Variants in PIK3R2 observed in about 807,000 individuals in gnomAD.
The protein encoded by PIK3R2 is phosphatidylinositol 3-kinase regulatory subunit beta.
In PIK3R2, 40 loss-of-function variants were observed where a neutral mutation model predicts 78.5. The observed-to-expected ratio is 0.51, with a 90% CI of 0.40 to 0.66. PIK3R2 has a LOEUF of 0.66. PIK3R2 is among the 30% of genes least tolerant of loss of function. The pLI is 0.00. For missense variants in PIK3R2, 880 were observed against 1,026.6 expected (o/e 0.86, Z 1.95); for synonymous variants, 473 against 457.7 (o/e 1.03, Z -0.43).
In PIK3R2 at chr19:18,169,023, T is replaced by A. The variant is rs2147960262; in HGVS notation, c.1980-64T>A. The A allele has an allele frequency of 1.9e-6, 3 of 1,575,454 alleles. No homozygotes were observed. The South Asian group carries it at 3.4e-5, about 18-fold the overall frequency. ...TCCGGGACAGGGGAGCACGCGGCCC[T>A]GGAACGGGGAAAGCTTGGCGGGGAG... On this transcript the variant is annotated intron_variant, in intron 15 of 15. Transcript: ENST00000222254.
chr19:18,164,699 G>A (rs1234843984), intron 11 of PIK3R2, among the ~76,000 whole-genome samples: 1 of 145,800 alleles, frequency 6.9e-6, no homozygotes, highest in African/African-American at 2.5e-5. Context: ...GCTGTGGCAT[G>A]ATCTCAGCTC....
rs867606041 is a variant in PIK3R2 at position 18,169,365 on chromosome 19, C to T, written c.*71C>T. ...CGCCGGAGGCTGCGGCGGCGGGAGC[C>T]ACGGACCAGACCAGCCACATCCAGG... On this transcript the variant is annotated 3_prime_UTR_variant, in exon 16 of 16. Coordinates refer to ENST00000222254, the MANE Select transcript of PIK3R2 (RefSeq NM_005027.4). The T allele has an allele frequency of 1.1e-6, 1 of 913,020 alleles. No individual in the cohort carries two copies. The highest frequency in any genetic ancestry group is 1.8e-5 in the African/African-American group (1 of 56,568). The allele number at this position is 913,020 out of a possible 1,614,324, so 56.6% of individuals were successfully genotyped here. A position where few individuals can be genotyped will look rare whatever the true frequency, so the allele number is the denominator to read the frequency against.
intron 11 of PIK3R2, among the ~76,000 whole-genome samples, chr19:18,165,841 G>A (rs1464515180): frequency 6.6e-6 from 1 of 152,180 alleles, no homozygotes. Context: ...GACAAAGTAA[G>A]GAAAGTCGTA....
chr19:18,160,482 C>T lies in PIK3R2; in HGVS notation c.334C>T (p.Pro112Ser), dbSNP rs1424061481. The change falls in exon 3 of 16, where the codon CCC becomes TCC. Residue 112 changes from proline to serine, a missense_variant. Coordinates refer to ENST00000222254, the MANE Select transcript of PIK3R2 (RefSeq NM_005027.4). ...GTTTCCCCCACCAGGCCTCACACTC[C>T]CCGACTTGCCCGAGCAGTTCTCCCC... ...DGAPEPGLTL[P>S]DLPEQFSPPD... 6.2e-7 allele frequency: 1 copy of T among 1,612,858 alleles called. No individual in the cohort carries two copies. Among genetic ancestry groups the T allele is most frequent in the African/African-American group, 1.3e-5 (1 of 75,024 alleles).
chr19:18,169,110 G>C lies in PIK3R2; in HGVS notation c.2003G>C (p.Cys668Ser), dbSNP rs2147960449. ...AGAGTGGACGGCGACACCAAGCACTGCGTCATCTACCGCACGGCCACCGGC... is the reference window on the plus strand; with the variant it reads ...AGAGTGGACGGCGACACCAAGCACTCCGTCATCTACCGCACGGCCACCGGC... ...SVVVDGDTKH[C>S]VIYRTATGFG... Residue 668 changes from cysteine to serine, a missense_variant, in exon 16 of 16, where the codon TGC becomes TCC. Cys to Ser is a moderately radical substitution (Grantham distance 112). This residue lies in a region of PIK3R2 where 268 missense variants were observed against 299.1 expected (regional missense o/e 0.90). Transcript: ENST00000222254. 1.2e-6 allele frequency: 2 copies of C among 1,611,664 alleles called. No individual in the cohort carries two copies. Among genetic ancestry groups the C allele is most frequent in the Non-Finnish European group, 1.7e-6 (2 of 1,179,762 alleles).
In PIK3R2 at chr19:18,162,058, C is replaced by T. The variant is rs779813115; in HGVS notation, c.901+7C>T. The T allele has an allele frequency of 1.9e-6, 3 of 1,611,682 alleles. No homozygotes were observed. The highest frequency in any genetic ancestry group is 8.5e-7 in the Non-Finnish European group (1 of 1,178,048). The stretch of plus-strand genomic sequence containing the variant: ...CAGGAGGTTGCGCCCCCAGGTGAGT[C>T]CCCTGTATTGCTGTCATTTCTTCCC... On this transcript the variant is annotated splice_region_variant and intron_variant, in intron 7 of 15. Transcript: ENST00000222254.
In PIK3R2 at chr19:18,169,876, G is replaced by A. The variant is rs941281543; in HGVS notation, c.*582G>A. ...CCCGCCACCGGGTTACCCCCACAAG[G>A]GGGCCGCTGCGAGAAGTTCACCCAC... is the stretch of plus-strand genomic sequence containing the variant. On this transcript the variant is annotated 3_prime_UTR_variant, in exon 16 of 16. Transcript: ENST00000222254. 1 of 200,918 alleles carries A rather than the reference G, an allele frequency of 5.0e-6. No individual in the cohort carries two copies. Among genetic ancestry groups the A allele is most frequent in the Non-Finnish European group, 1.0e-5 (1 of 97,214 alleles). 12.4% of individuals were successfully genotyped at this position (200,918 alleles called of 1,614,324 possible). A position where few individuals can be genotyped will look rare whatever the true frequency, so the allele number is the denominator to read the frequency against.
rs568370467 is a variant in PIK3R2 at position 18,155,874 on chromosome 19, G to A, written c.-6G>A. On this transcript the variant is annotated 5_prime_UTR_variant, in exon 2 of 16. Coordinates refer to ENST00000222254, the MANE Select transcript of PIK3R2 (RefSeq NM_005027.4). ...ACCATCCAGACCCCACCCCACTCACGCGGCCATGGCGGGCCCTGAGGGCTT... is the reference window on the plus strand; with the variant it reads ...ACCATCCAGACCCCACCCCACTCACACGGCCATGGCGGGCCCTGAGGGCTT... 1.4e-5 allele frequency: 22 copies of A among 1,537,356 alleles called. No individual in the cohort carries two copies. Among genetic ancestry groups the A allele is most frequent in the African/African-American group, 1.1e-4 (8 of 71,812 alleles).
rs1599975234 is a variant in PIK3R2, at chr19:18,162,051, G to T, written c.901G>T (p.Ala301Ser). ...GGAAGAGCAGGAGGTTGCGCCCCCA[G>T]GTGAGTCCCCTGTATTGCTGTCATT... ...HLEEQEVAPP[A>S]LPPKPPKAKP... The change falls in exon 7 of 16, where the codon GCG becomes TCG. Residue 301 changes from alanine (A) to serine (S), a missense_variant and splice_region_variant. Around this residue, in one of 3 missense-constraint regions of PIK3R2, gnomAD observed 456 missense variants for 486.6 expected, o/e 0.94. Transcript: ENST00000222254. 1 of 1,613,456 alleles carries T rather than the reference G, an allele frequency of 6.2e-7. No homozygotes were observed. Among genetic ancestry groups the T allele is most frequent in the Non-Finnish European group, 8.5e-7 (1 of 1,179,628 alleles).
At position 18,167,040 on chromosome 19, in the gene PIK3R2, G is replaced by A; in HGVS notation, c.1560-90G>A. ...GGTCCCAGCTACTCGGGAGGCTGAG[G>A]TAGGAGGGTCACCTGAGCCCAGGAG... On this transcript the variant is annotated intron_variant, in intron 12 of 15. Coordinates refer to ENST00000222254, the MANE Select transcript of PIK3R2 (RefSeq NM_005027.4). This position sits in a 1 kb window ranked among gnomAD's most constrained non-coding sequence, Gnocchi z 4.5. The A allele has an allele frequency of 1.8e-6, 2 of 1,135,460 alleles. No individual in the cohort carries two copies. Among genetic ancestry groups the A allele is most frequent in the South Asian group, 1.8e-5 (1 of 56,392 alleles). 70.3% of individuals were successfully genotyped at this position (1,135,460 alleles called of 1,614,324 possible).
intron 2 of PIK3R2, among the ~76,000 whole-genome samples, chr19:18,158,835 TTTTTGTTTTGTTTTG>T (rs536343079): frequency 6.6e-6 from 1 of 152,106 alleles, no homozygotes; most frequent in African/African-American, 2.4e-5. Flanking sequence ...TTAATGTATC[TTTTTGTTTTGTTTTG>T]TTTTGTTTTG....
At chr19:18,154,276 C>G (rs913684188) in intron 1 of PIK3R2, among the ~76,000 whole-genome samples, 1 of 151,988 alleles carries the variant, frequency 6.6e-6, no homozygotes. Context: ...GGCTGGGACT[C>G]CTGGGGAATA....
At chr19:18,158,835 T>TTTTTG (rs536343079) in intron 2 of PIK3R2, among the ~76,000 whole-genome samples, 201 of 152,222 alleles carry the variant, frequency 1.3e-3, no homozygotes, top group African/African-American at 4.4e-3. Context: ...TTAATGTATC[T>TTTTTG]TTTTGTTTTG....
chr19:18,153,726 C>G (rs2043647423), intron 1 of PIK3R2, among the ~76,000 whole-genome samples: 1 of 152,200 alleles, frequency 6.6e-6, no homozygotes, highest in Non-Finnish European at 1.5e-5. Flanking sequence ...AGCGCTCAGG[C>G]CCTGCCTTCA....
chr19:18,153,609 G>C (rs1273882591), intron 1 of PIK3R2, among the ~76,000 whole-genome samples: 1 of 152,216 alleles, frequency 6.6e-6, no homozygotes, highest in African/African-American at 2.4e-5. Context: ...GGGCGCCCAG[G>C]CATTGTGCGG....
rs781383839 is a variant in PIK3R2 at position 18,169,180 on chromosome 19, G to T, written c.2073G>T (p.Glu691Asp). 3 of 1,609,932 alleles carry T rather than the reference G, an allele frequency of 1.9e-6. No individual in the cohort carries two copies. Among genetic ancestry groups the T allele is most frequent in the South Asian group, 1.1e-5 (1 of 91,058 alleles). ...ACAACCTGTACGGGTCGCTGAAGGA[G>T]CTGGTGCTGCACTACCAGCACGCCT... ...EPYNLYGSLK[E>D]LVLHYQHASL... Residue 691 changes from glutamate (E) to aspartate (D), a missense_variant, in exon 16 of 16, where the codon GAG becomes GAT. Around this residue, in one of 3 missense-constraint regions of PIK3R2, gnomAD observed 268 missense variants for 299.1 expected, o/e 0.90. Transcript: ENST00000222254.
Position 18,161,388 on chromosome 19 carries a change from C to T in PIK3R2, c.708C>T (p.Ala236=). The T allele has an allele frequency of 8.1e-7, 1 of 1,235,710 alleles. No individual in the cohort carries two copies. The highest frequency in any genetic ancestry group is 1.0e-6 in the Non-Finnish European group (1 of 990,236). 76.5% of individuals were successfully genotyped at this position (1,235,710 alleles called of 1,614,324 possible). Residue 236 remains alanine (A), a synonymous_variant, in exon 6 of 16, where the codon GCC becomes GCT. Coordinates refer to ENST00000222254, the MANE Select transcript of PIK3R2 (RefSeq NM_005027.4). This position sits in a 1 kb window ranked among gnomAD's most constrained non-coding sequence, Gnocchi z 5.3. The stretch of plus-strand genomic sequence containing the variant: ...ACCTGGGCCGCGTGGCCAGCCGCGC[C>T]CCGGCCCTGGGTCCCGCGGTCCGGG... ...LQHLGRVASR[A]PALGPAVRAL...
chr19:18,161,582 C>A lies in PIK3R2; in HGVS notation c.815+87C>A. ...ATGGCCAGAGTGAGCGGCGTCTAGA[C>A]CCTAAGAAGGGAGGGGATGGGGTCC... On this transcript the variant is annotated intron_variant, in intron 6 of 15. Transcript: ENST00000222254. This position sits in a 1 kb window ranked among gnomAD's most constrained non-coding sequence, Gnocchi z 5.3. 1 of 496,948 alleles carries A rather than the reference C, an allele frequency of 2.0e-6. No individual in the cohort carries two copies. The highest frequency in any genetic ancestry group is 4.0e-5 in the East Asian group (1 of 24,770). The allele number at this position is 496,948 out of a possible 1,614,324, so 30.8% of individuals were successfully genotyped here.
At chr19:18,163,242 C>T in intron 10 of PIK3R2, 21 bp from the exon 11 acceptor site, 7 of 1,614,108 alleles carry the variant, frequency 4.3e-6, no homozygotes, top group Non-Finnish European at 5.9e-6. Context: ...CATCTCCCCT[C>T]ATTCCGCCAC....
Sources: gnomAD v4.1 joint callset for allele counts (sites outside exome capture counted in the v4.1 genomes callset) on GRCh38, gnomAD v4.1.1 for gene constraint, gnomAD v4.1.1 regional missense constraint, Gnocchi (gnomAD v3.1) non-coding constraint, MANE v1.5 for transcripts, NCBI Gene and HGNC (gene_info 2026-07-23, HGNC 2026-07-21) for gene names.